The following CHST8 variants were observed in gnomAD, a reference collection of about 807,000 sequenced individuals.
CHST8 encodes carbohydrate sulfotransferase 8, also known as GALNAC-4-ST1.
A neutral mutation model predicts 15.0 loss-of-function variants in CHST8; 10 were observed. The observed-to-expected ratio is 0.67, with a 90% CI of 0.41 to 1.13. The LOEUF (loss-of-function observed/expected upper bound fraction) is 1.13. CHST8 is among the 50% of genes most tolerant of loss of function. CHST8 has a pLI of 0.00. For missense variants in CHST8, 634 were observed against 608.2 expected (o/e 1.04, Z -0.45); for synonymous variants, 259 against 256.6 (o/e 1.01, Z -0.09).
At chr19:33,765,995 G>T (rs925053843) in intron 3 of CHST8, among the ~76,000 whole-genome samples, 3 of 152,196 alleles carry the variant, frequency 2.0e-5, no homozygotes, top group Non-Finnish European at 4.4e-5. Context: ...TCCCCAAGTA[G>T]GAGGGAGTCT....
chr19:33,703,667 C>A (rs1973388565), intron 3 of CHST8, among the ~76,000 whole-genome samples: 1 of 152,236 alleles, frequency 6.6e-6, no homozygotes, highest in African/African-American at 2.4e-5. Flanking sequence ...AGGGTCACTG[C>A]AGATCCCCCT....
In CHST8 at chr19:33,734,762, C is replaced by T. The variant is rs142143562; in HGVS notation, c.131-36651C>T. ...CCCAGAGCTGCCCACTCCCACTGGGCCCAGCATACCACCCTGGGAGCACTG... is the reference window on the plus strand; with the variant it reads ...CCCAGAGCTGCCCACTCCCACTGGGTCCAGCATACCACCCTGGGAGCACTG... On this transcript the variant is annotated intron_variant, in intron 3 of 4. Coordinates refer to ENST00000650847, the MANE Select transcript of CHST8 (RefSeq NM_001127895.2). 5.3e-5 allele frequency among the ~76,000 whole-genome samples: 8 copies of T among 152,234 alleles called. No individual in the cohort carries two copies. In the East Asian group the frequency reaches 1.6e-3, roughly 30 times the overall value.
chr19:33,716,992 G>A lies in CHST8; in HGVS notation c.130+27601G>A, dbSNP rs971776422. 1.1e-4 allele frequency among the ~76,000 whole-genome samples: 16 copies of A among 152,154 alleles called. No homozygotes were observed. In the East Asian group the frequency reaches 2.1e-3, roughly 20 times the overall value. Reference sequence around the variant, plus strand: ...GAATTTCCTCTTTATAAGGATACCCGTTCTAGGGATCACTAGGGTACACTC... The same window carrying A: ...GAATTTCCTCTTTATAAGGATACCCATTCTAGGGATCACTAGGGTACACTC... On this transcript the variant is annotated intron_variant, in intron 3 of 4. Transcript: ENST00000650847.
At chr19:33,717,951 G>A (rs1568340734) in intron 3 of CHST8, among the ~76,000 whole-genome samples, 1 of 152,272 alleles carries the variant, frequency 6.6e-6, no homozygotes, top group East Asian at 1.9e-4. Flanking sequence ...TGGATTTGGA[G>A]GGGAATGCAG....
At chr19:33,623,194 G>T (rs996008581) in intron 1 of CHST8, among the ~76,000 whole-genome samples, 1 of 152,212 alleles carries the variant, frequency 6.6e-6, no homozygotes, top group African/African-American at 2.4e-5. Flanking sequence ...ACCCCGACCC[G>T]GAGTTGAAGC....
At chr19:33,648,902 CTTTTTTT>C (rs376386370) in intron 1 of CHST8, among the ~76,000 whole-genome samples, 2 of 99,974 alleles carry the variant, frequency 2.0e-5, no homozygotes, top group Middle Eastern at 8.3e-3. Context: ...GAATGAAGCA[CTTTTTTT>C]TTTTTTTTTT....
intron 3 of CHST8, among the ~76,000 whole-genome samples, chr19:33,701,478 C>T (rs1483100078): frequency 6.6e-6 from 1 of 152,002 alleles, no homozygotes; most frequent in East Asian, 1.9e-4. Flanking sequence ...AGAAACGGTC[C>T]CAGAATTGTT....
chr19:33,684,648 C>A (rs1972942745), intron 2 of CHST8: 1 of 151,620 alleles, frequency 6.6e-6, no homozygotes, highest in Admixed American at 6.6e-5. Flanking sequence ...AAGCGAGAGC[C>A]GCGCGCAGGG....
At chr19:33,714,454 T>C (rs1260410325) in intron 3 of CHST8, among the ~76,000 whole-genome samples, 1 of 152,114 alleles carries the variant, frequency 6.6e-6, no homozygotes, top group Non-Finnish European at 1.5e-5. Flanking sequence ...TGGGTACCCA[T>C]GGACATACAG....
At chr19:33,730,047 G>A (rs1421298000) in intron 3 of CHST8, among the ~76,000 whole-genome samples, 1 of 152,194 alleles carries the variant, frequency 6.6e-6, no homozygotes, top group Non-Finnish European at 1.5e-5. Flanking sequence ...AACAGTCTTA[G>A]GACCCTCATG....
At chr19:33,751,532 C>G (rs546589222) in intron 3 of CHST8, among the ~76,000 whole-genome samples, 8 of 152,358 alleles carry the variant, frequency 5.3e-5, no homozygotes, top group Middle Eastern at 3.4e-3. Flanking sequence ...AGGCCAAGAC[C>G]CTGGCAGCTT....
At chr19:33,703,152 C>T (rs1973378114) in intron 3 of CHST8, among the ~76,000 whole-genome samples, 1 of 152,214 alleles carries the variant, frequency 6.6e-6, no homozygotes, top group South Asian at 2.1e-4. Flanking sequence ...TCCAAAGAGG[C>T]CCGAGGTAGG....
intron 3 of CHST8, among the ~76,000 whole-genome samples, chr19:33,694,074 G>T (rs1973149727): frequency 9.2e-6 from 1 of 108,498 alleles, no homozygotes; most frequent in Non-Finnish European, 1.8e-5. Flanking sequence ...TTACCATACA[G>T]ATTCTGTTGT....
intron 3 of CHST8, among the ~76,000 whole-genome samples, chr19:33,730,457 G>A (rs963435723): frequency 1.1e-4 from 16 of 152,174 alleles, no homozygotes; most frequent in African/African-American, 3.4e-4. Flanking sequence ...TCATTCTTTG[G>A]TCTTTTCCCC....
chr19:33,658,279 G>A (rs1972539760), intron 1 of CHST8, among the ~76,000 whole-genome samples: 1 of 152,190 alleles, frequency 6.6e-6, no homozygotes. Flanking sequence ...GGCGGAGATT[G>A]CAGTGAGCCA....
chr19:33,666,007 C>T (rs1221889362), intron 1 of CHST8, among the ~76,000 whole-genome samples: 2 of 152,236 alleles, frequency 1.3e-5, no homozygotes, highest in African/African-American at 2.4e-5. Context: ...GACGGGGTGT[C>T]GGAAACGGCT....
chr19:33,694,365 G>A lies in CHST8; in HGVS notation c.130+4974G>A, dbSNP rs1973167587. Among the ~76,000 whole-genome samples, 3 of 151,316 alleles carry A rather than the reference G, an allele frequency of 2.0e-5. No individual in the cohort carries two copies. The South Asian group carries it at 6.3e-4, about 32-fold the overall frequency. ...TTTTCCTGGAGTCAAGGAGTTGTGG[G>A]TGGTGGTTCTAGGGTGCCCAGTGGG... On this transcript the variant is annotated intron_variant, in intron 3 of 4. Coordinates refer to ENST00000650847, the MANE Select transcript of CHST8 (RefSeq NM_001127895.2).
chr19:33,690,221 G>A (rs1973074060), intron 3 of CHST8, among the ~76,000 whole-genome samples: 1 of 152,148 alleles, frequency 6.6e-6, no homozygotes, highest in African/African-American at 2.4e-5. Context: ...TCTAGGGCAT[G>A]GACAAGCTGG....
chr19:33,683,557 T>C (rs1972926366), intron 2 of CHST8, among the ~76,000 whole-genome samples: 2 of 152,184 alleles, frequency 1.3e-5, no homozygotes, highest in South Asian at 4.1e-4. Flanking sequence ...AAGGCAGCTC[T>C]GAGGAAAACA....
Sources: allele counts gnomAD v4.1 joint callset (sites outside exome capture counted in the v4.1 genomes callset), GRCh38; gene constraint gnomAD v4.1.1; transcripts MANE v1.5; gene names NCBI Gene and HGNC (gene_info 2026-07-23, HGNC 2026-07-21).